SEMA5A: variants seen among roughly 807,000 people sequenced by gnomAD.
SEMA5A encodes the protein semaphorin 5A.
Under a neutral mutation model 135.5 loss-of-function variants are expected in SEMA5A, and 55 were observed. The observed-to-expected ratio is 0.41, with a 90% CI of 0.33 to 0.51. The LOEUF (loss-of-function observed/expected upper bound fraction) is 0.51, where lower values mean the gene tolerates loss of function less well. SEMA5A is among the 20% of genes least tolerant of loss of function. SEMA5A has a pLI of 0.37. For missense variants in SEMA5A, 1,290 were observed against 1,419.9 expected (o/e 0.91, Z 1.47); for synonymous variants, 580 against 546.5 (o/e 1.06, Z -0.85).
At chr5:9,471,340 A>AGG (rs1411682087) in intron 1 of SEMA5A, among the ~76,000 whole-genome samples, 1 of 152,168 alleles carries the variant, frequency 6.6e-6, no homozygotes, top group Non-Finnish European at 1.5e-5. Context: ...AAGAGGAACG[A>AGG]GGCAAAGGAA....
chr5:9,221,176 C>A (rs1221946696), intron 8 of SEMA5A, among the ~76,000 whole-genome samples: 1 of 152,150 alleles, frequency 6.6e-6, no homozygotes, highest in Admixed American at 6.5e-5. Flanking sequence ...TTAATGGGTC[C>A]TTAAAATCAC....
intron 2 of SEMA5A, among the ~76,000 whole-genome samples, chr5:9,437,300 C>T (rs1394797434): frequency 6.6e-6 from 1 of 152,060 alleles, no homozygotes; most frequent in Admixed American, 6.6e-5. Flanking sequence ...TGAAAGATTT[C>T]TCTATCTGAA....
chr5:9,148,247 T>C (rs769751044), intron 12 of SEMA5A, among the ~76,000 whole-genome samples: 12 of 152,202 alleles, frequency 7.9e-5, no homozygotes, highest in Non-Finnish European at 1.3e-4. Flanking sequence ...TAAATTAGTG[T>C]TATTAAGGAA....
intron 11 of SEMA5A, among the ~76,000 whole-genome samples, chr5:9,186,480 G>C (rs908092203): frequency 6.6e-6 from 1 of 152,134 alleles, no homozygotes; most frequent in Non-Finnish European, 1.5e-5. Context: ...ACCAAACCTG[G>C]ATTCCCAAGC....
chr5:9,363,652 A>G (rs1754795641), intron 3 of SEMA5A, among the ~76,000 whole-genome samples: 1 of 152,206 alleles, frequency 6.6e-6, no homozygotes, highest in Non-Finnish European at 1.5e-5. Flanking sequence ...ATTCTTGGTG[A>G]TATCAACCGA....
intron 1 of SEMA5A, among the ~76,000 whole-genome samples, chr5:9,532,269 C>CT (rs4002530): frequency 0.02 from 2,938 of 146,306 alleles, 73 homozygotes; most frequent in East Asian, 0.06. Flanking sequence ...AATCAATGAA[C>CT]TTTTTTTTTT....
At chr5:9,221,883 G>T (rs1336530167) in intron 8 of SEMA5A, among the ~76,000 whole-genome samples, 2 of 152,128 alleles carry the variant, frequency 1.3e-5, no homozygotes, top group Admixed American at 1.3e-4. Flanking sequence ...GGACTGGAGT[G>T]GGGGTAGTTG....
chr5:9,232,984 T>C (rs1316046385), intron 6 of SEMA5A, among the ~76,000 whole-genome samples: 1 of 152,194 alleles, frequency 6.6e-6, no homozygotes, highest in Non-Finnish European at 1.5e-5. Flanking sequence ...ACTAGGAGTT[T>C]ACCTCTTTAC....
chr5:9,405,252 G>A (rs1296968214), intron 2 of SEMA5A, among the ~76,000 whole-genome samples: 1 of 152,176 alleles, frequency 6.6e-6, no homozygotes, highest in African/African-American at 2.4e-5. Flanking sequence ...ACTCCCCAGA[G>A]ATTCAAAATT....
At chr5:9,060,950 C>A (rs1206286663) in intron 18 of SEMA5A, among the ~76,000 whole-genome samples, 1 of 151,774 alleles carries the variant, frequency 6.6e-6, no homozygotes, top group Non-Finnish European at 1.5e-5. Context: ...GTATCCAACT[C>A]CAGAATGAGC....
intron 5 of SEMA5A, among the ~76,000 whole-genome samples, chr5:9,288,180 G>T (rs1451768127): frequency 6.6e-6 from 1 of 152,214 alleles, no homozygotes; most frequent in Non-Finnish European, 1.5e-5. Context: ...CATCACATAA[G>T]ATAATTTGAA....
At chr5:9,473,702 G>T (rs1246902525) in intron 1 of SEMA5A, among the ~76,000 whole-genome samples, 1 of 152,180 alleles carries the variant, frequency 6.6e-6, no homozygotes, top group Admixed American at 6.5e-5. Context: ...AGGGAACGTG[G>T]TGTGCATGGC....
At chr5:9,418,290 A>G (rs1313153141) in intron 2 of SEMA5A, among the ~76,000 whole-genome samples, 2 of 152,062 alleles carry the variant, frequency 1.3e-5, no homozygotes, top group East Asian at 3.9e-4. Flanking sequence ...GTCTCTTCTT[A>G]TAAAAGCACT....
intron 8 of SEMA5A, among the ~76,000 whole-genome samples, chr5:9,212,367 T>C (rs971162014): frequency 3.9e-5 from 6 of 152,254 alleles, no homozygotes; most frequent in Non-Finnish European, 5.9e-5. Flanking sequence ...GCATTAAAGC[T>C]GTTAAGGTAT....
At chr5:9,129,087 G>A (rs564739183) in intron 13 of SEMA5A, among the ~76,000 whole-genome samples, 40 of 152,298 alleles carry the variant, frequency 2.6e-4, no homozygotes, top group Middle Eastern at 3.4e-3. Context: ...TGCTATAAAT[G>A]TTCTCTTTCC....
chr5:9,339,031 T>C (rs113911761), intron 3 of SEMA5A, among the ~76,000 whole-genome samples: 70 of 152,298 alleles, frequency 4.6e-4, no homozygotes, highest in African/African-American at 1.7e-3. Flanking sequence ...GAGGGACTTG[T>C]AATGTATATG....
In SEMA5A at chr5:9,441,488, A is replaced by T. The variant is rs377644163; in HGVS notation, c.-174-3636T>A. Reference sequence around the variant, plus strand: ...CATGAGTTCCTGGTACCATCCCTGGAGTTGGGTGGAAACCCCACCACGGAG... The same window carrying T: ...CATGAGTTCCTGGTACCATCCCTGGTGTTGGGTGGAAACCCCACCACGGAG... On this transcript the variant is annotated intron_variant, in intron 1 of 22. Coordinates refer to ENST00000382496, the MANE Select transcript of SEMA5A (RefSeq NM_003966.3). Among the ~76,000 whole-genome samples the T allele has an allele frequency of 2.0e-5, 3 of 152,164 alleles. No individual in the cohort carries two copies. In the South Asian group the frequency reaches 6.2e-4, roughly 32 times the overall value.
At chr5:9,356,230 A>G (rs1005672176) in intron 3 of SEMA5A, among the ~76,000 whole-genome samples, 6 of 152,188 alleles carry the variant, frequency 3.9e-5, no homozygotes, top group Non-Finnish European at 8.8e-5. Context: ...TTACTAACAT[A>G]ATTGTGAACA....
chr5:9,487,981 A>G (rs528136835), intron 1 of SEMA5A, among the ~76,000 whole-genome samples: 10 of 152,252 alleles, frequency 6.6e-5, no homozygotes, highest in African/African-American at 2.4e-4. Flanking sequence ...TATATTTTCC[A>G]CTTCAACATG....
Sources: allele counts gnomAD v4.1 joint callset (sites outside exome capture counted in the v4.1 genomes callset), GRCh38; gene constraint gnomAD v4.1.1; transcripts MANE v1.5; gene names NCBI Gene and HGNC (gene_info 2026-07-23, HGNC 2026-07-21).